Variants in MTF2 observed in about 807,000 individuals in gnomAD.
The protein encoded by MTF2 is metal-response element-binding transcription factor 2.
Under a neutral mutation model 79.5 loss-of-function variants are expected in MTF2, and 11 were observed. The observed-to-expected ratio is 0.14, with a 90% CI of 0.09 to 0.23. The LOEUF (loss-of-function observed/expected upper bound fraction) is 0.23. MTF2 is among the 10% of genes least tolerant of loss of function. MTF2 has a pLI of 1.00. For synonymous variants in MTF2, 208 were observed against 232.8 expected (o/e 0.89, Z 0.97); for missense variants, 486 against 711.2 (o/e 0.68, Z 3.60).
chr1:93,114,156 T>C (rs1490935635), intron 3 of MTF2, among the ~76,000 whole-genome samples: 1 of 152,216 alleles, frequency 6.6e-6, no homozygotes, highest in African/African-American at 2.4e-5. Flanking sequence ...TTTCAGAAGC[T>C]AGAGATTAAA....
At chr1:93,083,485 TG>T (rs981344476) in intron 1 of MTF2, among the ~76,000 whole-genome samples, 6 of 152,374 alleles carry the variant, frequency 3.9e-5, no homozygotes, top group African/African-American at 1.4e-4. Flanking sequence ...ACATTTGGGT[TG>T]TTCCCACATT....
intron 1 of MTF2, among the ~76,000 whole-genome samples, chr1:93,087,630 C>T (rs1028113909): frequency 1.3e-5 from 2 of 151,364 alleles, no homozygotes; most frequent in African/African-American, 2.4e-5. Context: ...TGGATACTGT[C>T]GATACTGGCA....
At chr1:93,119,279 A>G in intron 7 of MTF2, 54 bp from the exon 8 acceptor site, 1 of 1,237,658 alleles carries the variant, frequency 8.1e-7, no homozygotes, top group Non-Finnish European at 1.1e-6. Context: ...TATAATTGTT[A>G]GTTTATCTCT....
intron 9 of MTF2, among the ~76,000 whole-genome samples, chr1:93,124,414 A>T (rs1656609987): frequency 6.6e-6 from 1 of 152,024 alleles, no homozygotes; most frequent in African/African-American, 2.4e-5. Context: ...TTTGTGTTTG[A>T]TTCTTAAAGT....
rs1224425079 is a variant in MTF2 at position 93,135,252 on chromosome 1, G to A, written c.1424+1057G>A. On this transcript the variant is annotated intron_variant, in intron 14 of 14. Coordinates refer to ENST00000370298, the MANE Select transcript of MTF2 (RefSeq NM_007358.4). The stretch of plus-strand genomic sequence containing the variant: ...CTCCCAAAGTGCCGGGATTACAGGC[G>A]TGAGCCACTTTGCCTGGCCAGGACA... 1.3e-4 allele frequency among the ~76,000 whole-genome samples: 20 copies of A among 152,300 alleles called. 1 individual carries two copies. The South Asian group carries it at 2.7e-3, about 20-fold the overall frequency.
intron 1 of MTF2, among the ~76,000 whole-genome samples, chr1:93,089,745 G>T (rs923044577): frequency 1.3e-5 from 2 of 151,894 alleles, no homozygotes; most frequent in Non-Finnish European, 2.9e-5. Flanking sequence ...TAGAGATTGT[G>T]TCTGTGTATG....
intron 1 of MTF2, among the ~76,000 whole-genome samples, chr1:93,091,952 G>A (rs1228670028): frequency 6.6e-6 from 1 of 152,112 alleles, no homozygotes; most frequent in Non-Finnish European, 1.5e-5. Flanking sequence ...AAGTCCTTTT[G>A]TGAAAAAGCC....
At chr1:93,109,077 G>T (rs952119599) in intron 1 of MTF2, among the ~76,000 whole-genome samples, 6 of 151,856 alleles carry the variant, frequency 4.0e-5, no homozygotes, top group Admixed American at 3.9e-4. Flanking sequence ...TAATTTCCCT[G>T]CTCATTTTAT....
chr1:93,094,768 A>G (rs1655213187), intron 1 of MTF2, among the ~76,000 whole-genome samples: 1 of 152,184 alleles, frequency 6.6e-6, no homozygotes, highest in Non-Finnish European at 1.5e-5. Context: ...TGCTCTTAGC[A>G]GCTACTGATG....
intron 1 of MTF2, among the ~76,000 whole-genome samples, chr1:93,096,597 C>G (rs1655296973): frequency 1.3e-5 from 2 of 151,208 alleles, no homozygotes; most frequent in African/African-American, 4.9e-5. Flanking sequence ...TTTCTTCCTT[C>G]AACATGAGAT....
intron 12 of MTF2, 36 bp from the exon 13 acceptor site, chr1:93,133,892 A>G: frequency 6.5e-7 from 1 of 1,539,830 alleles, no homozygotes; most frequent in Non-Finnish European, 8.9e-7. Flanking sequence ...AGCTTACTTT[A>G]GAGACATGCT....
Position 93,136,727 on chromosome 1 carries a change from A to C in MTF2, c.1482A>C (p.Pro494=). 3 of 1,614,206 alleles carry C rather than the reference A, an allele frequency of 1.9e-6. No homozygotes were observed. The highest frequency in any genetic ancestry group is 2.2e-5 in the East Asian group (1 of 44,886). ...RTGRSWPAAI[P]HLRRRRGRLP... ...GAAGATCTTGGCCTGCTGCAATACC[A>C]CATTTGCGGAGAAGAAGAGGTCGTC... Residue 494 remains proline (P), a synonymous_variant, in exon 15 of 15, where the codon CCA becomes CCC. Transcript: ENST00000370298.
chr1:93,079,443 C>T lies in MTF2; in HGVS notation c.-84C>T. Reference sequence around the variant, plus strand: ...CGGTGGGGCGGGTGCCCAGTAAGTGCTCGGACTCGCAGGGGAAGCGCCCAC... The same window carrying T: ...CGGTGGGGCGGGTGCCCAGTAAGTGTTCGGACTCGCAGGGGAAGCGCCCAC... On this transcript the variant is annotated 5_prime_UTR_variant, in exon 1 of 15. Coordinates refer to ENST00000370298, the MANE Select transcript of MTF2 (RefSeq NM_007358.4). 1 of 1,581,976 alleles carries T rather than the reference C, an allele frequency of 6.3e-7. No individual in the cohort carries two copies.
chr1:93,090,178 G>A (rs985182098), intron 1 of MTF2, among the ~76,000 whole-genome samples: 19 of 152,024 alleles, frequency 1.2e-4, no homozygotes, highest in Admixed American at 3.3e-4. Context: ...GGGTTTCACC[G>A]TGTTAGACAG....
At chr1:93,082,528 A>G (rs1360996691) in intron 1 of MTF2, among the ~76,000 whole-genome samples, 1 of 152,114 alleles carries the variant, frequency 6.6e-6, no homozygotes, top group East Asian at 1.9e-4. Flanking sequence ...GGCCTCAAGC[A>G]GTCCTCCTGC....
At chr1:93,115,989 G>A (rs1269486684) in intron 6 of MTF2, among the ~76,000 whole-genome samples, 1 of 152,088 alleles carries the variant, frequency 6.6e-6, no homozygotes, top group African/African-American at 2.4e-5. Flanking sequence ...AATTTAAATG[G>A]GAGAGTAAAA....
chr1:93,089,085 C>T (rs1344915442), intron 1 of MTF2, among the ~76,000 whole-genome samples: 1 of 152,074 alleles, frequency 6.6e-6, no homozygotes, highest in Non-Finnish European at 1.5e-5. Context: ...ACATTGTAAA[C>T]ACCTCTGTTC....
intron 3 of MTF2, among the ~76,000 whole-genome samples, chr1:93,114,252 CCTTA>C (rs1656156554): frequency 6.6e-6 from 1 of 152,104 alleles, no homozygotes; most frequent in South Asian, 2.1e-4. Flanking sequence ...TACTTATCTT[CCTTA>C]CTTTTTTTCT....
intron 1 of MTF2, among the ~76,000 whole-genome samples, chr1:93,094,843 T>C (rs960744688): frequency 6.6e-6 from 1 of 152,230 alleles, no homozygotes; most frequent in Non-Finnish European, 1.5e-5. Context: ...ATTTTCTTTT[T>C]CATTTATTGG....
Sources: gnomAD v4.1 joint callset for allele counts (sites outside exome capture counted in the v4.1 genomes callset) on GRCh38, gnomAD v4.1.1 for gene constraint, MANE v1.5 for transcripts, NCBI Gene and HGNC (gene_info 2026-07-23, HGNC 2026-07-21) for gene names.